Variants in FHIT observed in about 807,000 individuals in gnomAD.
FHIT encodes bis(5'-adenosyl)-triphosphatase.
Under a neutral mutation model 17.9 loss-of-function variants are expected in FHIT, and 19 were observed. The observed-to-expected ratio is 1.06, with a 90% CI of 0.74 to 1.56. The LOEUF (loss-of-function observed/expected upper bound fraction) is 1.56, where lower values mean the gene tolerates loss of function less well. FHIT is among the 40% of genes most tolerant of loss of function. The pLI, the probability that FHIT is intolerant of heterozygous loss-of-function variation, is 0.00. For synonymous variants in FHIT, 81 were observed against 69.7 expected (o/e 1.16, Z -0.81); for missense variants, 248 against 189.2 (o/e 1.31, Z -1.82).
intron 7 of FHIT, among the ~76,000 whole-genome samples, chr3:60,000,233 G>A (rs974745117): frequency 1.3e-5 from 2 of 152,176 alleles, no homozygotes; most frequent in African/African-American, 2.4e-5. Flanking sequence ...AAATAGCTTA[G>A]GAAAGGATTA....
intron 5 of FHIT, among the ~76,000 whole-genome samples, chr3:60,514,013 G>A (rs1324424955): frequency 5.9e-5 from 9 of 152,164 alleles, no homozygotes; most frequent in Non-Finnish European, 1.2e-4. Flanking sequence ...GCCAGGGACA[G>A]CCTTACTCCA....
At chr3:60,250,434 A>G (rs1705639446) in intron 5 of FHIT, among the ~76,000 whole-genome samples, 1 of 152,180 alleles carries the variant, frequency 6.6e-6, no homozygotes, top group African/African-American at 2.4e-5. Flanking sequence ...GTTGGTTCCT[A>G]AGGACCCCCT....
At chr3:60,199,362 C>T (rs1173869553) in intron 5 of FHIT, among the ~76,000 whole-genome samples, 5 of 152,096 alleles carry the variant, frequency 3.3e-5, no homozygotes, top group Admixed American at 1.3e-4. Context: ...TTTGGTGAGA[C>T]AGGCTAAATT....
chr3:60,987,188 C>T (rs1185851800), intron 3 of FHIT, among the ~76,000 whole-genome samples: 1 of 152,178 alleles, frequency 6.6e-6, no homozygotes, highest in Non-Finnish European at 1.5e-5. Flanking sequence ...GTGCAAAATC[C>T]TAAGCAAGAG....
chr3:60,088,604 C>A (rs1437221809), intron 5 of FHIT, among the ~76,000 whole-genome samples: 1 of 152,142 alleles, frequency 6.6e-6, no homozygotes, highest in African/African-American at 2.4e-5. Context: ...GAGAACATTC[C>A]TTTTTTTGCA....
rs369641097 is a variant in FHIT at position 59,823,107 on chromosome 3, G to A, written c.349-70786C>T. Among the ~76,000 whole-genome samples, 9 of 152,262 alleles carry A rather than the reference G, an allele frequency of 5.9e-5. No homozygotes were observed. In the South Asian group the frequency reaches 1.9e-3, roughly 32 times the overall value. On this transcript the variant is annotated intron_variant, in intron 8 of 9. Coordinates refer to ENST00000492590, the MANE Select transcript of FHIT (RefSeq NM_002012.4). The stretch of plus-strand genomic sequence containing the variant: ...TTGCTTTGTTGAAGATCAATTGACT[G>A]TAAGTATTTGGGTTTATTTCTTGGT...
At chr3:60,085,035 C>T (rs969026986) in intron 5 of FHIT, among the ~76,000 whole-genome samples, 1 of 152,076 alleles carries the variant, frequency 6.6e-6, no homozygotes, top group Non-Finnish European at 1.5e-5. Context: ...AATTGGTTTG[C>T]CACTTCTAGG....
intron 4 of FHIT, among the ~76,000 whole-genome samples, chr3:60,812,729 C>G (rs1485682735): frequency 6.6e-6 from 1 of 152,062 alleles, no homozygotes; most frequent in Non-Finnish European, 1.5e-5. Flanking sequence ...ACTGTAGTTC[C>G]TCATATGCAT....
At chr3:61,139,359 C>A (rs1156770487) in intron 2 of FHIT, among the ~76,000 whole-genome samples, 1 of 152,118 alleles carries the variant, frequency 6.6e-6, no homozygotes, top group Non-Finnish European at 1.5e-5. Flanking sequence ...ACCAGTACAT[C>A]TTTGCTATGA....
chr3:61,209,924 T>A (rs1366396510), intron 1 of FHIT, among the ~76,000 whole-genome samples: 1 of 152,228 alleles, frequency 6.6e-6, no homozygotes, highest in Non-Finnish European at 1.5e-5. Flanking sequence ...TGCTCTGTTT[T>A]TTCCCCATCT....
intron 4 of FHIT, among the ~76,000 whole-genome samples, chr3:60,640,497 T>C (rs2039699858): frequency 6.6e-6 from 1 of 152,184 alleles, no homozygotes; most frequent in South Asian, 2.1e-4. Flanking sequence ...TTCTACATCT[T>C]TGAGAAATAG....
intron 2 of FHIT, among the ~76,000 whole-genome samples, chr3:61,137,069 A>C (rs2036935838): frequency 6.6e-6 from 1 of 152,136 alleles, no homozygotes; most frequent in East Asian, 1.9e-4. Context: ...TCCATGTTGG[A>C]GGGAGGGAAG....
intron 4 of FHIT, among the ~76,000 whole-genome samples, chr3:60,643,960 T>C (rs2039790305): frequency 6.6e-6 from 1 of 152,190 alleles, no homozygotes; most frequent in African/African-American, 2.4e-5. Context: ...ATCAAAACAG[T>C]GTGCTGTTAC....
chr3:60,269,279 A>C (rs913059825), intron 5 of FHIT, among the ~76,000 whole-genome samples: 5 of 152,226 alleles, frequency 3.3e-5, no homozygotes, highest in African/African-American at 1.2e-4. Flanking sequence ...CTACGTCTTT[A>C]ACCTTATTGG....
chr3:60,266,478 G>A (rs1400463978), intron 5 of FHIT, among the ~76,000 whole-genome samples: 1 of 152,084 alleles, frequency 6.6e-6, no homozygotes, highest in East Asian at 1.9e-4. Context: ...AATGACTATG[G>A]TGATAGTTGC....
intron 5 of FHIT, among the ~76,000 whole-genome samples, chr3:60,221,815 C>T (rs895415109): frequency 2.0e-5 from 3 of 152,102 alleles, no homozygotes; most frequent in Admixed American, 6.5e-5. Flanking sequence ...CAGAGACTAT[C>T]CTATCTGTAG....
intron 3 of FHIT, among the ~76,000 whole-genome samples, chr3:60,998,522 A>T (rs1029859023): frequency 1.3e-5 from 2 of 152,150 alleles, no homozygotes; most frequent in Non-Finnish European, 2.9e-5. Flanking sequence ...ACTTTTATTA[A>T]TCCCCTCCCT....
intron 3 of FHIT, among the ~76,000 whole-genome samples, chr3:61,038,323 A>C (rs2107683832): frequency 6.6e-6 from 1 of 152,330 alleles, no homozygotes; most frequent in Admixed American, 6.5e-5. Flanking sequence ...AAAAAATAAG[A>C]GTGGTGAAGG....
intron 5 of FHIT, among the ~76,000 whole-genome samples, chr3:60,189,750 T>C (rs1702318752): frequency 6.6e-6 from 1 of 152,210 alleles, no homozygotes; most frequent in African/African-American, 2.4e-5. Flanking sequence ...ACCCACGTTT[T>C]TTCATTTCAA....
Sources: gnomAD v4.1 joint callset for allele counts (sites outside exome capture counted in the v4.1 genomes callset) on GRCh38, gnomAD v4.1.1 for gene constraint, MANE v1.5 for transcripts, NCBI Gene and HGNC (gene_info 2026-07-23, HGNC 2026-07-21) for gene names.